Variants in IL4I1 observed in about 807,000 individuals in gnomAD.
IL4I1 encodes the protein L-amino-acid oxidase.
IL4I1 carries 24 observed loss-of-function variants against 29.7 expected under a neutral mutation model. The observed-to-expected ratio is 0.81, with a 90% CI of 0.59 to 1.14. IL4I1 has a LOEUF of 1.14. Ranked by LOEUF, IL4I1 falls within the 50% of genes most tolerant of loss-of-function variation. The pLI is 0.00. For synonymous variants in IL4I1, 371 were observed against 352.5 expected, an observed-to-expected ratio of 1.05 and a Z score of -0.59; for missense variants, 686 against 785.6, an observed-to-expected ratio of 0.87 and a Z score of 1.52.
At chr19:49,890,632 G>T in intron 7 of IL4I1, 32 bp from the exon 8 acceptor site, 2 of 1,463,228 alleles carry the variant, frequency 1.4e-6, no homozygotes, top group South Asian at 1.3e-5. Context: ...GTGGGGGCGT[G>T]ACCTGGGCTC....
chr19:49,895,228 AC>A, intron 3 of IL4I1, 48 bp from the exon 4 acceptor site: 1 of 1,489,508 alleles, frequency 6.7e-7, no homozygotes, highest in Non-Finnish European at 9.3e-7. Context: ...CCACCCACTG[AC>A]CATCCCCTGC....
intron 5 of IL4I1, among the ~76,000 whole-genome samples, chr19:49,893,848 G>C (rs951370757): frequency 4.6e-5 from 7 of 151,926 alleles, no homozygotes; most frequent in Non-Finnish European, 1.0e-4. Context: ...TTAGCTGGGC[G>C]TGGTGGCGGG....
At chr19:49,891,669 C>T (rs2075141508) in intron 5 of IL4I1, among the ~76,000 whole-genome samples, 196 bp from the exon 6 acceptor site, 1 of 152,234 alleles carries the variant, frequency 6.6e-6, no homozygotes, top group Admixed American at 6.5e-5. Context: ...ACTGCTCCTC[C>T]GATATTACCG....
rs1016091300 is a variant in IL4I1 at position 49,889,839 on chromosome 19, G to C, written c.1535C>G (p.Ser512Trp). ...IKINSRKGPA[S>W]DTASPEGHAS... The stretch of plus-strand genomic sequence containing the variant: ...GTGCCCCTCGGGGCTGGCCGTGTCC[G>C]ATGCAGGCCCCTTCCGGCTGTTGAT... The change falls in exon 8 of 8, where the codon TCG becomes TGG. Residue 512 changes from serine (S) to tryptophan (W), a missense_variant. Physicochemically the swap from Ser to Trp is radical, Grantham distance 177. Transcript: ENST00000391826. The C allele has an allele frequency of 6.3e-7, 1 of 1,576,942 alleles. No individual in the cohort carries two copies. The highest frequency in any genetic ancestry group is 1.4e-5 in the African/African-American group (1 of 73,622).
At chr19:49,913,848 C>T (rs563029489) in intron 2 of IL4I1, among the ~76,000 whole-genome samples, 9 of 152,158 alleles carry the variant, frequency 5.9e-5, no homozygotes, top group East Asian at 1.9e-4. Context: ...GCTAACGGTT[C>T]GGGCGTTATA....
intron 5 of IL4I1, among the ~76,000 whole-genome samples, chr19:49,892,123 C>T (rs2075147961): frequency 6.8e-6 from 1 of 147,152 alleles, no homozygotes. Context: ...GCTCTGTTGC[C>T]CAGGCTGGAG....
rs142182842 is a variant in IL4I1 at position 49,907,313 on chromosome 19, T to C, written c.-227-2992A>G. ...TTCCTGGAGGAGGTGAGGCCCAAGGTGGGGGTGAGCCTGGGCCAGGCAAAA... is the reference window on the plus strand; with the variant it reads ...TTCCTGGAGGAGGTGAGGCCCAAGGCGGGGGTGAGCCTGGGCCAGGCAAAA... On this transcript the variant is annotated intron_variant, in intron 2 of 9. Transcript: ENST00000341114. 2.8e-3 allele frequency: 865 copies of C among 309,984 alleles called. 1 individual carries two copies. Among genetic ancestry groups the C allele is most frequent in the Middle Eastern group, 0.013 (11 of 828 alleles). 19.2% of individuals were successfully genotyped at this position (309,984 alleles called of 1,614,324 possible).
chr19:49,909,519 G>A (rs2075407108), intron 2 of IL4I1: 1 of 1,614,190 alleles, frequency 6.2e-7, no homozygotes, highest in Non-Finnish European at 8.5e-7. Flanking sequence ...CTCAAGTTGA[G>A]CTTTGAAGCA....
In IL4I1 at chr19:49,894,950, A is replaced by G. The variant is rs905431401; in HGVS notation, c.365+118T>C. 22 of 734,502 alleles carry G rather than the reference A, an allele frequency of 3.0e-5. 1 individual carries two copies. In the South Asian group the frequency reaches 3.6e-4, roughly 12 times the overall value. 45.5% of individuals were successfully genotyped at this position (734,502 alleles called of 1,614,324 possible). A position where few individuals can be genotyped will look rare whatever the true frequency, so the allele number is the denominator to read the frequency against. The stretch of plus-strand genomic sequence containing the variant: ...GACTGAGGTGAGGATTAGGCGAAGG[A>G]TGGGGTTGGAGGCTGGGTTTGGGAG... On this transcript the variant is annotated intron_variant, in intron 4 of 7. Transcript: ENST00000391826.
upstream of IL4I1, among the ~76,000 whole-genome samples, chr19:49,899,553 G>GTT (rs201245394): frequency 5.0e-5 from 7 of 141,204 alleles, no homozygotes; most frequent in African/African-American, 1.3e-4. Flanking sequence ...CCTGTTTTTT[G>GTT]TTTTTTTTGT....
At chr19:49,925,887 A>G (rs991485515) in intron 2 of IL4I1, among the ~76,000 whole-genome samples, 4 of 152,324 alleles carry the variant, frequency 2.6e-5, no homozygotes, top group South Asian at 2.1e-4. Flanking sequence ...GAGTCAATCT[A>G]CAATTATTCC....
chr19:49,909,831 G>A (rs375898509), intron 2 of IL4I1: 1 of 1,612,120 alleles, frequency 6.2e-7, no homozygotes, highest in South Asian at 1.1e-5. Flanking sequence ...GGTGGCGGCA[G>A]CTACTCTGGC....
At chr19:49,909,776 G>A (rs781692939) in intron 2 of IL4I1, 1 of 1,614,128 alleles carries the variant, frequency 6.2e-7, no homozygotes, top group Non-Finnish European at 8.5e-7. Context: ...GCCTGTAGGG[G>A]CCCCAGTGCC....
At chr19:49,911,914 T>C (rs1296159432) in intron 2 of IL4I1, among the ~76,000 whole-genome samples, 1 of 152,198 alleles carries the variant, frequency 6.6e-6, no homozygotes, top group Non-Finnish European at 1.5e-5. Flanking sequence ...ATTCCTCCCG[T>C]TGTGGGACAG....
upstream of IL4I1, chr19:49,901,738 ATG>A: frequency 6.6e-7 from 1 of 1,508,610 alleles, no homozygotes; most frequent in Non-Finnish European, 8.9e-7. Flanking sequence ...AAGGTGAATG[ATG>A]GTGGCTTTGT....
At chr19:49,893,273 G>A (rs1747388877) in intron 5 of IL4I1, among the ~76,000 whole-genome samples, 1 of 151,924 alleles carries the variant, frequency 6.6e-6, no homozygotes, top group African/African-American at 2.4e-5. Context: ...TGGGCAGCTT[G>A]AGAGGAGGCT....
rs530372497 is a variant in IL4I1, at chr19:49,914,726, GTTTTTTTTT to G, written c.-227-10414_-227-10406del. 1.3e-3 allele frequency among the ~76,000 whole-genome samples: 73 copies of G among 56,398 alleles called. 1 individual carries two copies. Among genetic ancestry groups the G allele is most frequent in the African/African-American group, 2.5e-3 (38 of 15,446 alleles). The allele number at this position is 56,398 out of a possible 152,430, so 37.0% of individuals were successfully genotyped here. ...GATTCTTGTGCCACTCCAAGTCCCA[GTTTTTTTTT>G]TTTTTTTTTTTTTTTTTTTTTTGAG... On this transcript the variant is annotated intron_variant, in intron 2 of 9. Transcript: ENST00000341114.
intron 2 of IL4I1, among the ~76,000 whole-genome samples, chr19:49,918,053 A>G (rs1030130545): frequency 6.6e-6 from 1 of 151,504 alleles, no homozygotes; most frequent in Admixed American, 6.6e-5. Context: ...ACCCAAAGCC[A>G]TGGAGAGGGT....
At chr19:49,919,458 G>A (rs1030621382) in intron 2 of IL4I1, among the ~76,000 whole-genome samples, 1 of 152,196 alleles carries the variant, frequency 6.6e-6, no homozygotes, top group Non-Finnish European at 1.5e-5. Context: ...CCGGGTAGAT[G>A]AGGAAACCGA....
Sources: allele counts gnomAD v4.1 joint callset (sites outside exome capture counted in the v4.1 genomes callset), GRCh38; gene constraint gnomAD v4.1.1; transcripts MANE v1.5; gene names NCBI Gene and HGNC (gene_info 2026-07-23, HGNC 2026-07-21).